Variants in HS6ST2 observed in about 807,000 individuals in gnomAD.
HS6ST2 encodes heparan sulfate 6-O-sulfotransferase 2, also known as heparan-sulfate 6-O-sulfotransferase 2.
In HS6ST2, 17 loss-of-function variants were observed where a neutral mutation model predicts 33.0. The observed-to-expected ratio is 0.52, with a 90% CI of 0.35 to 0.77. The LOEUF (loss-of-function observed/expected upper bound fraction) is 0.77, where lower values mean the gene tolerates loss of function less well. HS6ST2 is among the 30% of genes least tolerant of loss of function. HS6ST2 has a pLI of 0.01. For synonymous variants in HS6ST2, 248 were observed against 237.1 expected, an observed-to-expected ratio of 1.05 and a Z score of -0.42; for missense variants, 519 against 551.7, an observed-to-expected ratio of 0.94 and a Z score of 0.59.
intron 2 of HS6ST2, among the ~76,000 whole-genome samples, chrX:132,804,886 C>A (rs1326569611): frequency 9.0e-6 from 1 of 111,692 alleles, no homozygotes; most frequent in Non-Finnish European, 1.9e-5. Flanking sequence ...GAAACTGATT[C>A]TTCTTTAAAG....
intron 2 of HS6ST2, among the ~76,000 whole-genome samples, chrX:132,735,698 G>A (rs1300605333): frequency 8.9e-6 from 1 of 111,818 alleles, no homozygotes; most frequent in African/African-American, 3.2e-5. Context: ...GCTTTGGCCC[G>A]AGGACGCCAC....
intron 2 of HS6ST2, among the ~76,000 whole-genome samples, chrX:132,757,797 C>T (rs1039993440): frequency 3.6e-5 from 4 of 112,121 alleles, no homozygotes; most frequent in African/African-American, 1.3e-4. Flanking sequence ...TGATATTTGC[C>T]TTTTATGAGA....
intron 2 of HS6ST2, among the ~76,000 whole-genome samples, chrX:132,803,436 T>TCA (rs1380508576): frequency 2.7e-5 from 3 of 111,087 alleles, no homozygotes; most frequent in Non-Finnish European, 5.7e-5. Flanking sequence ...TGAGTCAGAG[T>TCA]CTTGCTTTGT....
intron 2 of HS6ST2, among the ~76,000 whole-genome samples, chrX:132,954,877 T>C (rs1047291764): frequency 2.7e-5 from 3 of 112,033 alleles, no homozygotes; most frequent in African/African-American, 9.8e-5. Flanking sequence ...GGTTATCTTC[T>C]GGAGAATGCG....
intron 3 of HS6ST2, among the ~76,000 whole-genome samples, chrX:132,677,269 G>A (rs759217215): frequency 8.9e-6 from 1 of 111,988 alleles, no homozygotes; most frequent in African/African-American, 3.2e-5. Flanking sequence ...ATTTGGAGGT[G>A]AGATTCTGAT....
intron 2 of HS6ST2, among the ~76,000 whole-genome samples, chrX:132,787,587 T>C (rs1003836838): frequency 5.9e-5 from 6 of 101,794 alleles, no homozygotes; most frequent in Admixed American, 1.1e-4. Flanking sequence ...CCACCGTGCC[T>C]GGCCTATATA....
intron 2 of HS6ST2, among the ~76,000 whole-genome samples, chrX:132,916,579 C>T (rs987474414): frequency 8.9e-6 from 1 of 112,054 alleles, no homozygotes; most frequent in African/African-American, 3.2e-5. Context: ...CACTATCCAA[C>T]TGGCTGCCAG....
intron 2 of HS6ST2, among the ~76,000 whole-genome samples, chrX:132,824,221 G>A (rs748843269): frequency 2.2e-4 from 24 of 111,570 alleles, no homozygotes; most frequent in Non-Finnish European, 4.0e-4. Context: ...TCATTGCTTC[G>A]TGTTTTTTAG....
At chrX:132,944,574 G>A (rs1465439884) in intron 2 of HS6ST2, among the ~76,000 whole-genome samples, 1 of 111,593 alleles carries the variant, frequency 9.0e-6, no homozygotes, top group Non-Finnish European at 1.9e-5. Context: ...GAACAAAGCT[G>A]GAGGCATCAC....
intron 3 of HS6ST2, among the ~76,000 whole-genome samples, chrX:132,678,046 T>G (rs2063937556): frequency 8.9e-6 from 1 of 111,765 alleles, no homozygotes; most frequent in African/African-American, 3.3e-5. Flanking sequence ...GGGGGCCAAA[T>G]GCATCTATAC....
At chrX:132,913,833 T>C (rs1050397937) in intron 2 of HS6ST2, among the ~76,000 whole-genome samples, 1 of 112,141 alleles carries the variant, frequency 8.9e-6, no homozygotes, top group Non-Finnish European at 1.9e-5. Flanking sequence ...CCTATGAGGA[T>C]TGAGGTTATA....
At chrX:132,953,835 G>C (rs986383834) in intron 2 of HS6ST2, among the ~76,000 whole-genome samples, 1 of 112,423 alleles carries the variant, frequency 8.9e-6, no homozygotes, top group Non-Finnish European at 1.9e-5. Context: ...TAATGATGTA[G>C]GTGATAACAA....
At chrX:132,885,713 T>C (rs903679946) in intron 2 of HS6ST2, among the ~76,000 whole-genome samples, 10 of 109,463 alleles carry the variant, frequency 9.1e-5, no homozygotes, top group South Asian at 3.8e-4. Context: ...CAACAGAAGA[T>C]AGTAGCCTTA....
intron 4 of HS6ST2, among the ~76,000 whole-genome samples, chrX:132,652,163 G>A (rs1248785265): frequency 9.0e-6 from 1 of 111,338 alleles, no homozygotes; most frequent in African/African-American, 3.3e-5. Context: ...CAGTAGTTTC[G>A]CGGCTGCTGT....
intron 4 of HS6ST2, among the ~76,000 whole-genome samples, chrX:132,651,010 C>T (rs750013018): frequency 1.3e-3 from 144 of 111,348 alleles, no homozygotes; most frequent in Non-Finnish European, 2.2e-3. Flanking sequence ...TCAAATTATC[C>T]TCCCACCTTG....
chrX:132,815,464 T>C (rs2065385699), intron 2 of HS6ST2, among the ~76,000 whole-genome samples: 1 of 111,882 alleles, frequency 8.9e-6, no homozygotes, highest in African/African-American at 3.2e-5. Context: ...AAAGGTAAGC[T>C]GAGAATCAAA....
At chrX:132,775,383 G>A (rs753330258) in intron 2 of HS6ST2, among the ~76,000 whole-genome samples, 5 of 110,651 alleles carry the variant, frequency 4.5e-5, no homozygotes, top group Admixed American at 1.9e-4. Context: ...TGAGGTCAGC[G>A]ATCATATGGT....
chrX:132,713,835 G>A (rs1185930282), intron 2 of HS6ST2, among the ~76,000 whole-genome samples: 3 of 108,243 alleles, frequency 2.8e-5, no homozygotes, highest in Non-Finnish European at 5.7e-5. Context: ...CCATCCTTTC[G>A]TTCCCTGCCA....
At chrX:132,812,405 AAATAAT>A (rs55880539) in intron 2 of HS6ST2, among the ~76,000 whole-genome samples, 2,393 of 84,889 alleles carry the variant, frequency 0.028, 30 homozygotes, top group Non-Finnish European at 0.034. Context: ...ACTCTGTCTC[AAATAAT>A]AATAATAATA....
Sources: allele counts gnomAD v4.1 joint callset (sites outside exome capture counted in the v4.1 genomes callset), GRCh38; gene constraint gnomAD v4.1.1; transcripts MANE v1.5; gene names NCBI Gene and HGNC (gene_info 2026-07-23, HGNC 2026-07-21).